Variants in COL4A2 observed in about 807,000 individuals in gnomAD.
The protein encoded by COL4A2 is collagen alpha-2(IV) chain.
In COL4A2, 99 loss-of-function variants were observed where a neutral mutation model predicts 200.2. The observed-to-expected ratio is 0.49, with a 90% CI of 0.42 to 0.58. COL4A2 has a LOEUF of 0.58. COL4A2 is among the 20% of genes least tolerant of loss of function. COL4A2 has a pLI of 0.00. For synonymous variants in COL4A2, 897 were observed against 900.6 expected (o/e 1.00, Z 0.07); for missense variants, 1,950 against 2,314.1 (o/e 0.84, Z 3.23).
At position 110,439,566 on chromosome 13, in the gene COL4A2, C is replaced by A. The variant is rs75012128; in HGVS notation, c.913-223C>A. On this transcript the variant is annotated intron_variant, in intron 15 of 47. Coordinates refer to ENST00000360467, the MANE Select transcript of COL4A2 (RefSeq NM_001846.4). ...AGCCTTTTTATCATAGTCATTATTT[C>A]CCATCCCCACCTCCCCACAACTTTG... is the stretch of plus-strand genomic sequence containing the variant. Among the ~76,000 whole-genome samples the A allele has an allele frequency of 0.052, 7,851 of 152,110 alleles. 237 individuals carry two copies. Among genetic ancestry groups the A allele is most frequent in the South Asian group, 0.089 (429 of 4,822 alleles).
chr13:110,414,099 C>T (rs987538283), intron 4 of COL4A2, among the ~76,000 whole-genome samples: 4 of 152,178 alleles, frequency 2.6e-5, no homozygotes, highest in East Asian at 1.9e-4. Context: ...GACTTGAGCC[C>T]GGGAGTTTGA....
intron 3 of COL4A2, among the ~76,000 whole-genome samples, chr13:110,343,295 T>A (rs1047518727): frequency 6.6e-6 from 1 of 152,122 alleles, no homozygotes; most frequent in Non-Finnish European, 1.5e-5. Context: ...CCGTACCCAG[T>A]GGGTGCTCTC....
intron 4 of COL4A2, among the ~76,000 whole-genome samples, chr13:110,394,386 G>C (rs1002293093): frequency 6.6e-6 from 1 of 152,170 alleles, no homozygotes; most frequent in African/African-American, 2.4e-5. Context: ...ATTTGAACAT[G>C]GAGGATAGGA....
chr13:110,385,419 A>G (rs61963170), intron 4 of COL4A2, among the ~76,000 whole-genome samples: 10,788 of 77,672 alleles, frequency 0.14, 1,908 homozygotes, highest in East Asian at 0.2. Flanking sequence ...GTGTGGATAG[A>G]CTGTGGTTAC....
chr13:110,315,315 T>C (rs755660022), intron 3 of COL4A2, among the ~76,000 whole-genome samples: 1 of 152,240 alleles, frequency 6.6e-6, no homozygotes, highest in Non-Finnish European at 1.5e-5. Flanking sequence ...TTCTTTAGGA[T>C]CGAGGATTAT....
intron 33 of COL4A2, among the ~76,000 whole-genome samples, chr13:110,485,415 TAGG>T (rs1454648898): frequency 6.6e-6 from 1 of 150,412 alleles, no homozygotes; most frequent in Non-Finnish European, 1.5e-5. Flanking sequence ...CCCAACTACT[TAGG>T]AGGCTGAGGC....
chr13:110,480,847 G>A (rs867434794), intron 31 of COL4A2, among the ~76,000 whole-genome samples: 2 of 151,898 alleles, frequency 1.3e-5, no homozygotes, highest in East Asian at 1.9e-4. Context: ...GCCCATGAAC[G>A]TTGCTGGAGA....
chr13:110,478,800 T>C (rs1405065106), intron 30 of COL4A2, among the ~76,000 whole-genome samples: 1 of 139,076 alleles, frequency 7.2e-6, no homozygotes, highest in Non-Finnish European at 1.6e-5. Context: ...AACAGCTTTT[T>C]AAGGAAGTGT....
chr13:110,439,995 A>G, intron 16 of COL4A2, among the ~76,000 whole-genome samples, 162 bp downstream of exon 16: 1 of 152,224 alleles, frequency 6.6e-6, no homozygotes, highest in East Asian at 1.9e-4. Context: ...GCCTCACAAT[A>G]CTTGAACCGG....
intron 3 of COL4A2, among the ~76,000 whole-genome samples, chr13:110,341,867 A>T (rs1355431996): frequency 6.6e-6 from 1 of 152,250 alleles, no homozygotes; most frequent in Non-Finnish European, 1.5e-5. Context: ...GAAGGGCCAG[A>T]TGACATCACA....
At chr13:110,325,554 G>T (rs1196669616) in intron 3 of COL4A2, among the ~76,000 whole-genome samples, 1 of 150,886 alleles carries the variant, frequency 6.6e-6, no homozygotes, top group African/African-American at 2.5e-5. Context: ...ATCAGTGGCT[G>T]AGGTAAAGGA....
At chr13:110,472,341 T>A (rs548798951) in intron 28 of COL4A2, among the ~76,000 whole-genome samples, 1 of 152,204 alleles carries the variant, frequency 6.6e-6, no homozygotes, top group East Asian at 1.9e-4. Context: ...GGTCTCGATC[T>A]CCTGACCTCG....
chr13:110,443,539 A>G (rs995777348), intron 16 of COL4A2, among the ~76,000 whole-genome samples: 3 of 152,236 alleles, frequency 2.0e-5, no homozygotes, highest in Admixed American at 6.5e-5. Context: ...CCTATGAATC[A>G]TATATATGAC....
At chr13:110,479,882 A>G (rs1882837224) in intron 30 of COL4A2, among the ~76,000 whole-genome samples, 1 of 152,190 alleles carries the variant, frequency 6.6e-6, no homozygotes, top group Non-Finnish European at 1.5e-5. Context: ...GCTCTTGACT[A>G]ACCCCAGTGA....
chr13:110,428,291 T>C (rs1043188618), intron 6 of COL4A2, among the ~76,000 whole-genome samples, 176 bp from the exon 7 acceptor site: 2 of 152,258 alleles, frequency 1.3e-5, no homozygotes, highest in African/African-American at 4.8e-5. Flanking sequence ...GAACGATACC[T>C]TATGCCTTCA....
intron 4 of COL4A2, among the ~76,000 whole-genome samples, chr13:110,417,431 GTCT>G (rs1880085992): frequency 1.3e-5 from 2 of 152,088 alleles, no homozygotes; most frequent in African/African-American, 4.8e-5. Flanking sequence ...GTCACAGCTT[GTCT>G]TCTTCATCTT....
At chr13:110,417,721 A>G (rs1327893165) in intron 4 of COL4A2, among the ~76,000 whole-genome samples, 1 of 152,180 alleles carries the variant, frequency 6.6e-6, no homozygotes, top group Non-Finnish European at 1.5e-5. Flanking sequence ...AGTAAGTAGC[A>G]TTTTGTGTCT....
intron 3 of COL4A2, among the ~76,000 whole-genome samples, chr13:110,344,788 C>T (rs1371967726): frequency 6.6e-6 from 1 of 152,204 alleles, no homozygotes; most frequent in African/African-American, 2.4e-5. Context: ...TTCCTTACAC[C>T]CCCTTCTATG....
chr13:110,396,588 C>A (rs1879190180), intron 4 of COL4A2, among the ~76,000 whole-genome samples: 1 of 152,118 alleles, frequency 6.6e-6, no homozygotes, highest in Non-Finnish European at 1.5e-5. Flanking sequence ...GGAGAACATG[C>A]CTTCTTGGCC....
Sources: allele counts gnomAD v4.1 joint callset (sites outside exome capture counted in the v4.1 genomes callset), GRCh38; gene constraint gnomAD v4.1.1; transcripts MANE v1.5; gene names NCBI Gene and HGNC (gene_info 2026-07-23, HGNC 2026-07-21).